CDK19: variants seen among roughly 807,000 people sequenced by gnomAD.
CDK19 encodes the protein cyclin-dependent kinase 19.
Under a neutral mutation model 68.3 loss-of-function variants are expected in CDK19, and 20 were observed. The ratio of observed to expected loss-of-function variants is 0.29; its 90% CI spans 0.21 to 0.43. CDK19 has a LOEUF of 0.43. Among genes scored for constraint, CDK19 ranks in the 20% least tolerant of loss-of-function variants. The pLI, the probability that CDK19 is intolerant of heterozygous loss-of-function variation, is 1.00. For missense variants in CDK19, 339 were observed against 623.5 expected, an observed-to-expected ratio of 0.54 and a Z score of 4.86; for synonymous variants, 221 against 222.8, an observed-to-expected ratio of 0.99 and a Z score of 0.07.
chr6:110,799,072 G>A (rs945319437), intron 1 of CDK19, among the ~76,000 whole-genome samples: 8 of 149,060 alleles, frequency 5.4e-5, no homozygotes, highest in African/African-American at 7.4e-5. Context: ...TGAGCCAGGA[G>A]GTTGAGGTTG....
intron 4 of CDK19, among the ~76,000 whole-genome samples, chr6:110,653,060 T>C (rs80134803): frequency 0.028 from 4,235 of 152,280 alleles, 84 homozygotes; most frequent in South Asian, 0.083. Flanking sequence ...GGATTGCCTG[T>C]TCCCTTTAGA....
chr6:110,788,768 T>C (rs1781407571), intron 1 of CDK19, among the ~76,000 whole-genome samples: 1 of 152,178 alleles, frequency 6.6e-6, no homozygotes, highest in African/African-American at 2.4e-5. Context: ...ATGATCCTTA[T>C]GCTGTATTCA....
intron 4 of CDK19, chr6:110,643,149 CAGT>C (rs1332624760): frequency 2.4e-6 from 3 of 1,264,526 alleles, no homozygotes; most frequent in Non-Finnish European, 3.1e-6. Flanking sequence ...TAGATGCTAC[CAGT>C]AGAAGCCAAA....
At chr6:110,749,317 A>C (rs983812353) in intron 1 of CDK19, among the ~76,000 whole-genome samples, 5 of 152,218 alleles carry the variant, frequency 3.3e-5, no homozygotes, top group Non-Finnish European at 7.3e-5. Flanking sequence ...TACGTAACAA[A>C]ATAGAACAAA....
chr6:110,742,649 C>T (rs1343673406), intron 2 of CDK19, among the ~76,000 whole-genome samples: 6 of 152,206 alleles, frequency 3.9e-5, no homozygotes, highest in African/African-American at 1.4e-4. Flanking sequence ...GGTCTATAAA[C>T]GGCCACTCTG....
At chr6:110,631,942 G>A (rs868386707) in intron 6 of CDK19, 88 bp downstream of exon 6, 10 of 1,215,530 alleles carry the variant, frequency 8.2e-6, no homozygotes, top group Middle Eastern at 1.9e-4. Flanking sequence ...TGTATAAAAT[G>A]GTTTTTATCA....
At chr6:110,786,798 T>C (rs77481015) in intron 1 of CDK19, among the ~76,000 whole-genome samples, 16 of 152,038 alleles carry the variant, frequency 1.1e-4, no homozygotes, top group African/African-American at 3.4e-4. Context: ...GAACAAAGCA[T>C]TGATGGAACC....
At position 110,668,832 on chromosome 6, in the gene CDK19, C is replaced by CA. The variant is rs530527732; in HGVS notation, c.316-1259dup. Among the ~76,000 whole-genome samples the CA allele has an allele frequency of 5.6e-3, 444 of 79,898 alleles. 3 individuals are homozygous for CA. The highest frequency in any genetic ancestry group is 0.025 in the East Asian group (72 of 2,836). 52.4% of individuals were successfully genotyped at this position (79,898 alleles called of 152,430 possible). On this transcript the variant is annotated intron_variant, in intron 3 of 12. Transcript: ENST00000368911. ...GGACAACAAAAGTGAAACTCCGTTTCAAAAAAAAAAAAAAAGAAACAGGTA... is the reference window on the plus strand; with the variant it reads ...GGACAACAAAAGTGAAACTCCGTTTCAAAAAAAAAAAAAAAAGAAACAGGTA...
intron 2 of CDK19, among the ~76,000 whole-genome samples, chr6:110,715,551 C>T (rs1775321838): frequency 1.3e-5 from 2 of 152,064 alleles, no homozygotes; most frequent in African/African-American, 4.8e-5. Context: ...TGCTGCGGGG[C>T]ATCTTGGCCC....
At chr6:110,744,636 A>G (rs3014315) in intron 2 of CDK19, among the ~76,000 whole-genome samples, 146,937 of 152,314 alleles carry the variant, frequency 0.96, 71,085 homozygotes, top group Middle Eastern at 1. Context: ...AAACATTTAT[A>G]GCACACTTGC....
intron 6 of CDK19, among the ~76,000 whole-genome samples, chr6:110,631,540 C>T (rs1779437081): frequency 6.6e-6 from 1 of 152,166 alleles, no homozygotes; most frequent in Admixed American, 6.5e-5. Flanking sequence ...CTATTTCCTA[C>T]CTTAATGGAG....
chr6:110,633,086 G>A (rs1158759505), intron 5 of CDK19, among the ~76,000 whole-genome samples: 1 of 152,016 alleles, frequency 6.6e-6, no homozygotes, highest in East Asian at 1.9e-4. Flanking sequence ...GGGCGTGGTG[G>A]CGCGCACCTG....
intron 2 of CDK19, among the ~76,000 whole-genome samples, chr6:110,715,409 A>G (rs1775292449): frequency 6.6e-6 from 1 of 152,260 alleles, no homozygotes; most frequent in African/African-American, 2.4e-5. Flanking sequence ...TAAATATTTA[A>G]GAATCAGACA....
At chr6:110,777,070 T>C (rs1780451494) in intron 1 of CDK19, among the ~76,000 whole-genome samples, 1 of 152,252 alleles carries the variant, frequency 6.6e-6, no homozygotes, top group African/African-American at 2.4e-5. Flanking sequence ...ATTAAAATCA[T>C]ACAAACCGGC....
intron 1 of CDK19, among the ~76,000 whole-genome samples, chr6:110,797,848 G>A (rs1448609885): frequency 6.6e-6 from 1 of 151,930 alleles, no homozygotes; most frequent in African/African-American, 2.4e-5. Flanking sequence ...AGCCAGGTGT[G>A]GTAGTGCATG....
chr6:110,772,985 G>A (rs1157204420), intron 1 of CDK19, among the ~76,000 whole-genome samples: 5 of 151,532 alleles, frequency 3.3e-5, no homozygotes. Context: ...GGAGGCTAAG[G>A]CGGGCAGATC....
At chr6:110,699,424 CAAAA>C (rs34728164) in intron 2 of CDK19, among the ~76,000 whole-genome samples, 3 of 93,742 alleles carry the variant, frequency 3.2e-5, no homozygotes, top group South Asian at 3.1e-4. Context: ...GACTTCGTCT[CAAAA>C]AAAAAAAAAA....
intron 1 of CDK19, among the ~76,000 whole-genome samples, chr6:110,771,526 T>C (rs750296152): frequency 3.9e-5 from 6 of 152,186 alleles, no homozygotes; most frequent in Non-Finnish European, 8.8e-5. Context: ...ACTCCAGGCC[T>C]GTGATGGGAG....
At chr6:110,780,227 A>T (rs1484157720) in intron 1 of CDK19, among the ~76,000 whole-genome samples, 2 of 151,572 alleles carry the variant, frequency 1.3e-5, no homozygotes, top group Admixed American at 1.3e-4. Context: ...CAAAAAAAAA[A>T]AAAAATACAA....
Sources: allele counts gnomAD v4.1 joint callset (sites outside exome capture counted in the v4.1 genomes callset), GRCh38; gene constraint gnomAD v4.1.1; transcripts MANE v1.5; gene names NCBI Gene and HGNC (gene_info 2026-07-23, HGNC 2026-07-21).